Variants in PCLO observed in about 807,000 individuals in gnomAD.
PCLO encodes piccolo presynaptic cytomatrix protein.
PCLO carries 82 observed loss-of-function variants against 427.5 expected under a neutral mutation model. The observed-to-expected ratio is 0.19, with a 90% CI of 0.16 to 0.23. The LOEUF is 0.23. Ranked by LOEUF, PCLO falls within the 10% of genes least tolerant of loss-of-function variation. The probability of loss-of-function intolerance (pLI) is 1.00; values close to 1 mark genes in which losing one functional copy is unlikely to be tolerated. For synonymous variants in PCLO, 2,357 were observed against 2,155.4 expected (o/e 1.09, Z -2.59); for missense variants, 6,239 against 6,115.9 (o/e 1.02, Z -0.67).
At chr7:82,828,327 C>T (rs1450341749) in intron 16 of PCLO, among the ~76,000 whole-genome samples, 2 of 151,900 alleles carry the variant, frequency 1.3e-5, no homozygotes, top group African/African-American at 4.8e-5. Flanking sequence ...TGGTGTTTAA[C>T]CTTACTATAG....
rs1562910175 is a variant in PCLO, at chr7:83,000,286, AGAGAGAGAGAGAG to A, written c.3301-33812_3301-33800del. Among the ~76,000 whole-genome samples, 10 of 151,264 alleles carry A rather than the reference AGAGAGAGAGAGAG, an allele frequency of 6.6e-5. No homozygotes were observed. In the Middle Eastern group the frequency reaches 0.01, roughly 154 times the overall value. ...AAAGTGTTGAGAGAGAGAGAGAGAG[AGAGAGAGAGAGAG>A]AGAGAGAAAATAAACCAGAGTATAG... On this transcript the variant is annotated intron_variant, in intron 3 of 24. Transcript: ENST00000333891.
chr7:83,013,434 G>A (rs373946310), intron 3 of PCLO, among the ~76,000 whole-genome samples: 1 of 152,184 alleles, frequency 6.6e-6, no homozygotes, highest in African/African-American at 2.4e-5. Flanking sequence ...TGATAATGCC[G>A]TTTTCTTCAG....
intron 3 of PCLO, among the ~76,000 whole-genome samples, chr7:82,981,925 T>C (rs534177734): frequency 1.3e-5 from 2 of 152,256 alleles, no homozygotes; most frequent in African/African-American, 4.8e-5. Flanking sequence ...AGACTAGTTA[T>C]TGTAGAATGT....
intron 22 of PCLO, among the ~76,000 whole-genome samples, chr7:82,764,803 T>C (rs1029645711): frequency 1.4e-5 from 2 of 144,832 alleles, no homozygotes; most frequent in African/African-American, 5.0e-5. Flanking sequence ...CAAAGTAAGA[T>C]GCAAGAATAT....
intron 6 of PCLO, among the ~76,000 whole-genome samples, chr7:82,940,658 T>C (rs145825303): frequency 5.6e-4 from 84 of 148,692 alleles, no homozygotes; most frequent in African/African-American, 1.8e-3. Flanking sequence ...TAAGCTTTTA[T>C]TTGCCATTTT....
intron 22 of PCLO, among the ~76,000 whole-genome samples, chr7:82,767,135 CA>C (rs1790547215): frequency 6.6e-6 from 1 of 151,964 alleles, no homozygotes; most frequent in African/African-American, 2.4e-5. Context: ...AACAAACAAA[CA>C]AACAAACAAC....
intron 6 of PCLO, among the ~76,000 whole-genome samples, chr7:82,941,885 A>G (rs1241603213): frequency 5.3e-5 from 8 of 152,230 alleles, no homozygotes; most frequent in Non-Finnish European, 2.9e-5. Context: ...TTAAACAGAT[A>G]TACAAAAGCG....
intron 3 of PCLO, among the ~76,000 whole-genome samples, chr7:83,132,361 T>C (rs964881637): frequency 1.3e-5 from 2 of 152,212 alleles, no homozygotes; most frequent in Non-Finnish European, 2.9e-5. Flanking sequence ...TCATCTAACC[T>C]GTCTAAATAC....
rs1584198938 is a variant in PCLO at position 82,949,476 on chromosome 7, C to T, written c.11112G>A (p.Thr3704=). Reference sequence around the variant, plus strand: ...TCCAACTGAAAAGAATCACTCTTACCGTATAGCCCTCGGTATACTGAAAAG... The same window carrying T: ...TCCAACTGAAAAGAATCACTCTTACTGTATAGCCCTCGGTATACTGAAAAG... The part of the protein sequence containing the change: ...RAPFQYTEGY[T]TKGSQTMTSS... Residue 3704 remains threonine, a splice_region_variant and synonymous_variant, in exon 6 of 25, where the codon ACG becomes ACA. Transcript: ENST00000333891. 1.9e-6 allele frequency: 3 copies of T among 1,572,656 alleles called. No homozygotes were observed. The highest frequency in any genetic ancestry group is 2.6e-6 in the Non-Finnish European group (3 of 1,161,052).
At chr7:83,050,003 G>A (rs576933634) in intron 3 of PCLO, among the ~76,000 whole-genome samples, 28 of 149,056 alleles carry the variant, frequency 1.9e-4, no homozygotes, top group Non-Finnish European at 3.6e-4. Context: ...ATGATCTTCC[G>A]CTTCCTGACC....
rs869061778 is a variant in PCLO, at chr7:83,043,912, C to CTTTTTTTTTTTT, written c.3301-77437_3301-77426dup. ...AACTCAATCTTATTACTATTATTTTCTTTTTTTTTTTTTTTTTTTTTTTGC... is the reference window on the plus strand; with the variant it reads ...AACTCAATCTTATTACTATTATTTTCTTTTTTTTTTTTTTTTTTTTTTTTTTTTTTTTTTTGC... On this transcript the variant is annotated intron_variant, in intron 3 of 24. Coordinates refer to ENST00000333891, the MANE Select transcript of PCLO (RefSeq NM_033026.6). 9.4e-4 allele frequency among the ~76,000 whole-genome samples: 89 copies of CTTTTTTTTTTTT among 94,906 alleles called. 1 individual carries two copies. Among genetic ancestry groups the CTTTTTTTTTTTT allele is most frequent in the African/African-American group, 1.7e-3 (42 of 24,532 alleles). The allele number at this position is 94,906 out of a possible 152,430, so 62.3% of individuals were successfully genotyped here. A position where few individuals can be genotyped will look rare whatever the true frequency, so the allele number is the denominator to read the frequency against.
chr7:82,758,313 T>A lies in PCLO; in HGVS notation c.*262A>T, dbSNP rs1790359434. Reference sequence around the variant, plus strand: ...TATTGTCTTAAGTAATCAAAATTTGTTTCACAGTTTCTCTTCACAGCCATG... The same window carrying A: ...TATTGTCTTAAGTAATCAAAATTTGATTCACAGTTTCTCTTCACAGCCATG... On this transcript the variant is annotated 3_prime_UTR_variant, in exon 25 of 25. Transcript: ENST00000333891. 6.3e-6 allele frequency: 2 copies of A among 315,816 alleles called. No homozygotes were observed. The allele number at this position is 315,816 out of a possible 1,614,324, so 19.6% of individuals were successfully genotyped here. A position where few individuals can be genotyped will look rare whatever the true frequency, so the allele number is the denominator to read the frequency against.
At chr7:83,005,936 C>T (rs1331576345) in intron 3 of PCLO, among the ~76,000 whole-genome samples, 2 of 151,536 alleles carry the variant, frequency 1.3e-5, no homozygotes, top group Non-Finnish European at 3.0e-5. Context: ...CTAATTACAG[C>T]CATTACAGTA....
chr7:82,954,722 T>G lies in PCLO; in HGVS notation c.6231A>C (p.Thr2077=). 2 of 1,613,884 alleles carry G rather than the reference T, an allele frequency of 1.2e-6. No homozygotes were observed. Among genetic ancestry groups the G allele is most frequent in the Non-Finnish European group, 1.7e-6 (2 of 1,179,844 alleles). ...GGGCCTGGGTTGGGCTAGATCCAGG[T>G]GTTAATTGCATCTGTTGCCTCTTCA... is the stretch of plus-strand genomic sequence containing the variant. ...ELMKRQQMQL[T]PGSSPTQAPI... is the part of the protein sequence containing the mutation. Residue 2077 remains threonine (T), a synonymous_variant, in exon 5 of 25, where the codon ACA becomes ACC. Transcript: ENST00000333891.
chr7:82,954,184 C>T lies in PCLO; in HGVS notation c.6769G>A (p.Ala2257Thr). ...GAAATAACAATATGATCAGCACTAGCTCTACCATCTGGTGGGGCAGTCCGA... is the reference window on the plus strand; with the variant it reads ...GAAATAACAATATGATCAGCACTAGTTCTACCATCTGGTGGGGCAGTCCGA... ...LDRTAPPDGR[A>T]SADHIVISLS... The change falls in exon 5 of 25, where the codon GCT (alanine) becomes ACT (threonine). Residue 2257 changes from alanine to threonine, a missense_variant. By Grantham distance (58) the Ala-to-Thr change is moderately conservative. Coordinates refer to ENST00000333891, the MANE Select transcript of PCLO (RefSeq NM_033026.6). 6.2e-7 allele frequency: 1 copy of T among 1,613,584 alleles called. No homozygotes were observed. The highest frequency in any genetic ancestry group is 2.2e-5 in the East Asian group (1 of 44,876).
intron 6 of PCLO, among the ~76,000 whole-genome samples, chr7:82,943,827 G>A (rs867844346): frequency 2.6e-5 from 4 of 151,932 alleles, no homozygotes; most frequent in Non-Finnish European, 5.9e-5. Context: ...GTCCATGTAC[G>A]AAATGGAAGA....
chr7:83,006,768 C>G (rs139948362), intron 3 of PCLO, among the ~76,000 whole-genome samples: 2 of 151,294 alleles, frequency 1.3e-5, no homozygotes, highest in African/African-American at 4.8e-5. Flanking sequence ...ATTTATTAAA[C>G]GCATTACTTG....
At chr7:82,820,381 G>A in intron 20 of PCLO, 1 of 349,086 alleles carries the variant, frequency 2.9e-6, no homozygotes, top group Non-Finnish European at 4.2e-6. Context: ...CAATGAGGCA[G>A]TAATTAAAAT....
chr7:83,014,411 C>T lies in PCLO; in HGVS notation c.3301-47924G>A, dbSNP rs540524738. On this transcript the variant is annotated intron_variant, in intron 3 of 24. Transcript: ENST00000333891. Reference sequence around the variant, plus strand: ...GGAGGATAAAAATAAATTCCCCTCTCGAATGCTGAGATAAGTAAGTCTGCC... The same window carrying T: ...GGAGGATAAAAATAAATTCCCCTCTTGAATGCTGAGATAAGTAAGTCTGCC... Among the ~76,000 whole-genome samples the T allele has an allele frequency of 1.2e-4, 19 of 152,118 alleles. No homozygotes were observed. In the East Asian group the frequency reaches 3.7e-3, roughly 29 times the overall value.
Sources: gnomAD v4.1 joint callset for allele counts (sites outside exome capture counted in the v4.1 genomes callset) on GRCh38, gnomAD v4.1.1 for gene constraint, MANE v1.5 for transcripts, NCBI Gene and HGNC (gene_info 2026-07-23, HGNC 2026-07-21) for gene names.